SPOP: variants seen among roughly 807,000 people sequenced by gnomAD.
SPOP encodes speckle-type POZ protein.
In SPOP, 11 loss-of-function variants were observed where a neutral mutation model predicts 45.6. The ratio of observed to expected loss-of-function variants is 0.24; its 90% confidence interval spans 0.15 to 0.40. SPOP has a LOEUF of 0.40. Among genes scored for constraint, SPOP ranks in the 10% least tolerant of loss-of-function variants. SPOP has a pLI of 1.00. For missense variants in SPOP, 152 were observed against 465.6 expected (o/e 0.33, Z 6.20); for synonymous variants, 166 against 166.3 (o/e 1.00, Z 0.01).
Position 49,600,299 on chromosome 17 carries a change from C to G in SPOP, c.*79G>C. 1.9e-6 allele frequency: 3 copies of G among 1,582,692 alleles called. No homozygotes were observed. Among genetic ancestry groups the G allele is most frequent in the Non-Finnish European group, 1.7e-6 (2 of 1,156,392 alleles). On this transcript the variant is annotated 3_prime_UTR_variant, in exon 10 of 10. Transcript: ENST00000504102. The surrounding 1 kb of genome is among the most constrained non-coding windows in gnomAD (Gnocchi z 4.2). ...CAGAGTAAAAGCTCCACAGATTGCG[C>G]TGTCTACCTGGTGGTCAGTGGCAGC...
chr17:49,623,307 C>T (rs1373226004), intron 1 of SPOP, among the ~76,000 whole-genome samples: 2 of 152,130 alleles, frequency 1.3e-5, no homozygotes, highest in East Asian at 1.9e-4. Context: ...CGCACCCAGC[C>T]GAGGTCCTAA....
intron 1 of SPOP, among the ~76,000 whole-genome samples, chr17:49,662,539 G>A (rs917895672): frequency 1.3e-5 from 2 of 151,854 alleles, no homozygotes; most frequent in African/African-American, 2.4e-5. Context: ...AAAATTAGCC[G>A]GGCACCACCA....
chr17:49,670,691 T>C (rs377386713), intron 1 of SPOP, among the ~76,000 whole-genome samples: 2 of 152,196 alleles, frequency 1.3e-5, no homozygotes, highest in African/African-American at 2.4e-5. Flanking sequence ...TCAGAAAACA[T>C]TGTGGCTGCC....
At chr17:49,624,319 ACG>A (rs551185712) in intron 1 of SPOP, among the ~76,000 whole-genome samples, 604 of 118,756 alleles carry the variant, frequency 5.1e-3, no homozygotes, top group African/African-American at 0.013. Flanking sequence ...ACACACACAC[ACG>A]CGCGCGCGCG....
At chr17:49,639,778 GTTA>G (rs2072611754) in intron 1 of SPOP, among the ~76,000 whole-genome samples, 1 of 152,096 alleles carries the variant, frequency 6.6e-6, no homozygotes, top group South Asian at 2.1e-4. Context: ...CAGAAGAGTG[GTTA>G]TTCTGAGCAA....
intron 1 of SPOP, among the ~76,000 whole-genome samples, chr17:49,632,736 C>T (rs910504567): frequency 2.0e-5 from 3 of 152,102 alleles, no homozygotes; most frequent in Non-Finnish European, 1.5e-5. Flanking sequence ...ACCTTGGCCT[C>T]CCAAATTACA....
At chr17:49,637,091 T>C (rs1469753709) in intron 1 of SPOP, among the ~76,000 whole-genome samples, 1 of 152,078 alleles carries the variant, frequency 6.6e-6, no homozygotes, top group Non-Finnish European at 1.5e-5. Context: ...TGCACGACTG[T>C]AGTCCCAGTT....
intron 1 of SPOP, among the ~76,000 whole-genome samples, chr17:49,644,320 T>C (rs2072714332): frequency 6.6e-6 from 1 of 152,190 alleles, no homozygotes; most frequent in South Asian, 2.1e-4. Flanking sequence ...AGAGTATCAT[T>C]TCAAAGTATA....
At chr17:49,653,383 A>C (rs185079851) in intron 1 of SPOP, among the ~76,000 whole-genome samples, 63 of 152,050 alleles carry the variant, frequency 4.1e-4, no homozygotes, top group Non-Finnish European at 8.1e-4. Flanking sequence ...AACAAACAAA[A>C]AATGAACACA....
intron 1 of SPOP, among the ~76,000 whole-genome samples, chr17:49,671,085 C>T (rs2073129809): frequency 1.3e-5 from 2 of 152,036 alleles, no homozygotes; most frequent in Admixed American, 6.5e-5. Flanking sequence ...GTGGGGACAA[C>T]GGGGTGGTCA....
chr17:49,669,400 C>A (rs1398455798), intron 1 of SPOP, among the ~76,000 whole-genome samples: 1 of 133,018 alleles, frequency 7.5e-6, no homozygotes, highest in Non-Finnish European at 1.6e-5. Flanking sequence ...ATTAAAGAAA[C>A]ACCCAAGAAT....
At chr17:49,617,767 T>C (rs1173362367) in intron 5 of SPOP, among the ~76,000 whole-genome samples, 2 of 151,506 alleles carry the variant, frequency 1.3e-5, no homozygotes, top group Non-Finnish European at 2.9e-5. Context: ...CTACTAAAAA[T>C]ACAAGAATTA....
chr17:49,635,776 G>A (rs2072531130), intron 1 of SPOP, among the ~76,000 whole-genome samples: 1 of 151,186 alleles, frequency 6.6e-6, no homozygotes, highest in African/African-American at 2.4e-5. Flanking sequence ...CTGGGATTCA[G>A]GCACGTGCCA....
intron 1 of SPOP, 44 bp from the exon 2 acceptor site, chr17:49,622,920 G>A (rs147163917): frequency 1.1e-6 from 1 of 872,574 alleles, no homozygotes; most frequent in African/African-American, 1.7e-5. Context: ...AGATTATTAA[G>A]ATACGATCCT....
intron 1 of SPOP, among the ~76,000 whole-genome samples, chr17:49,631,518 TAGC>T (rs2072451811): frequency 6.6e-6 from 1 of 152,202 alleles, no homozygotes; most frequent in Admixed American, 6.5e-5. Flanking sequence ...AAAAAGGAAT[TAGC>T]AGCCTTTACA....
Position 49,600,437 on chromosome 17 carries a change from G to A in SPOP, c.1066C>T (p.Leu356=), listed in dbSNP as rs751337978. The A allele has an allele frequency of 2.5e-6, 4 of 1,614,056 alleles. No homozygotes were observed. The highest frequency in any genetic ancestry group is 2.5e-6 in the Non-Finnish European group (3 of 1,180,036). Reference sequence around the variant, plus strand: ...AGAAAAGGGCACTGTGCTGAAGCCAGAGAGCGGTATGCCTCAGCCACCAAG... The same window carrying A: ...AGAAAAGGGCACTGTGCTGAAGCCAAAGAGCGGTATGCCTCAGCCACCAAG... The part of the protein sequence containing the change: ...PHLVAEAYRS[L]ASAQCPFLGP... The change falls in exon 10 of 10, where the codon CTG becomes TTG. Residue 356 remains leucine, a synonymous_variant. Coordinates refer to ENST00000504102, the MANE Select transcript of SPOP (RefSeq NM_001007228.2). This position sits in a 1 kb window ranked among gnomAD's most constrained non-coding sequence, Gnocchi z 4.2.
At position 49,619,111 on chromosome 17, in the gene SPOP, G is replaced by C. The variant is rs2072158071; in HGVS notation, c.353-3C>G. 1 of 1,613,282 alleles carries C rather than the reference G, an allele frequency of 6.2e-7. No individual in the cohort carries two copies. Among genetic ancestry groups the C allele is most frequent in the Non-Finnish European group, 8.5e-7 (1 of 1,179,754 alleles). ...AAACCTATATGCCCGTTGACTCTCT[G>C]GGGTGGGGAAAAAAAAAGTCATATT... On this transcript the variant is annotated splice_polypyrimidine_tract_variant and splice_region_variant and intron_variant, in intron 4 of 9. Transcript: ENST00000504102. This position sits in a 1 kb window ranked among gnomAD's most constrained non-coding sequence, Gnocchi z 4.9.
At chr17:49,665,244 A>C (rs1183316324) in intron 1 of SPOP, among the ~76,000 whole-genome samples, 1 of 152,184 alleles carries the variant, frequency 6.6e-6, no homozygotes, top group African/African-American at 2.4e-5. Context: ...AGGAAGGTGT[A>C]ATTTTTCTTT....
chr17:49,678,112 T>C, upstream of SPOP: 1 of 396,032 alleles, frequency 2.5e-6, no homozygotes, highest in East Asian at 3.6e-5. Context: ...CGTCAGCACG[T>C]CGACGCAGCC....
Sources: allele counts gnomAD v4.1 joint callset (sites outside exome capture counted in the v4.1 genomes callset), GRCh38; gene constraint gnomAD v4.1.1; non-coding constraint Gnocchi (gnomAD v3.1); transcripts MANE v1.5; gene names NCBI Gene and HGNC (gene_info 2026-07-23, HGNC 2026-07-21).